PTPRK: variants seen among roughly 807,000 people sequenced by gnomAD.
PTPRK encodes receptor-type tyrosine-protein phosphatase kappa.
In PTPRK, 75 loss-of-function variants were observed where a neutral mutation model predicts 178.0. The ratio of observed to expected loss-of-function variants is 0.42; its 90% CI spans 0.35 to 0.51. PTPRK has a LOEUF of 0.51. PTPRK is among the 20% of genes least tolerant of loss of function. PTPRK has a pLI of 0.02. For missense variants in PTPRK, 1,441 were observed against 1,797.8 expected (o/e 0.80, Z 3.59); for synonymous variants, 637 against 620.6 (o/e 1.03, Z -0.39).
intron 1 of PTPRK, among the ~76,000 whole-genome samples, chr6:128,473,511 C>A (rs759946679): frequency 7.1e-6 from 1 of 141,664 alleles, no homozygotes; most frequent in Non-Finnish European, 1.5e-5. Flanking sequence ...TCTATTAATT[C>A]CAATTTAGTA....
chr6:128,327,358 A>G (rs546094904), intron 2 of PTPRK, among the ~76,000 whole-genome samples: 1 of 152,276 alleles, frequency 6.6e-6, no homozygotes, highest in South Asian at 2.1e-4. Flanking sequence ...CTTATTTAAA[A>G]TCTGTTGAAT....
intron 1 of PTPRK, among the ~76,000 whole-genome samples, chr6:128,508,118 T>C (rs886710539): frequency 6.6e-6 from 1 of 152,102 alleles, no homozygotes; most frequent in African/African-American, 2.4e-5. Context: ...GTATGGTCAG[T>C]TATAAAATAT....
chr6:128,079,721 A>C (rs919354142), intron 10 of PTPRK, among the ~76,000 whole-genome samples: 5 of 152,064 alleles, frequency 3.3e-5, no homozygotes, highest in South Asian at 2.1e-4. Context: ...AATGCTATGA[A>C]TATAAAGACA....
chr6:128,083,486 CAA>C (rs549345211), intron 9 of PTPRK, among the ~76,000 whole-genome samples: 1 of 151,890 alleles, frequency 6.6e-6, no homozygotes, highest in African/African-American at 2.4e-5. Context: ...AAAACAGCAA[CAA>C]AAAACATGCA....
chr6:128,158,736 A>T (rs1240715721), intron 7 of PTPRK, among the ~76,000 whole-genome samples: 1 of 151,930 alleles, frequency 6.6e-6, no homozygotes, highest in Admixed American at 6.6e-5. Context: ...CCGTTAAGTC[A>T]CTCAAACCAT....
At chr6:128,276,705 T>C (rs1310282441) in intron 3 of PTPRK, among the ~76,000 whole-genome samples, 1 of 151,820 alleles carries the variant, frequency 6.6e-6, no homozygotes, top group African/African-American at 2.4e-5. Flanking sequence ...GATTTGGGGA[T>C]AGATTTTTAG....
At chr6:128,354,346 T>C (rs556069619) in intron 2 of PTPRK, among the ~76,000 whole-genome samples, 33 of 137,546 alleles carry the variant, frequency 2.4e-4, no homozygotes, top group Admixed American at 5.0e-4. Flanking sequence ...CACACCATTC[T>C]CCTGCCTCAG....
intron 13 of PTPRK, among the ~76,000 whole-genome samples, chr6:128,022,216 G>A (rs1773621311): frequency 6.6e-6 from 1 of 152,190 alleles, no homozygotes; most frequent in South Asian, 2.1e-4. Context: ...TTAAGTGCCT[G>A]TTAGTGGCAC....
At chr6:128,411,088 C>A (rs1330296394) in intron 1 of PTPRK, among the ~76,000 whole-genome samples, 1 of 152,054 alleles carries the variant, frequency 6.6e-6, no homozygotes, top group Non-Finnish European at 1.5e-5. Context: ...AGACAGGGTG[C>A]TGCCATGCTG....
intron 1 of PTPRK, among the ~76,000 whole-genome samples, chr6:128,404,965 G>C (rs146056225): frequency 6.6e-6 from 1 of 152,158 alleles, no homozygotes; most frequent in Non-Finnish European, 1.5e-5. Flanking sequence ...GCCTCCAATG[G>C]GCACAACCTC....
At chr6:128,127,295 A>C (rs1793542982) in intron 7 of PTPRK, among the ~76,000 whole-genome samples, 1 of 152,094 alleles carries the variant, frequency 6.6e-6, no homozygotes, top group South Asian at 2.1e-4. Context: ...TTTCTACATA[A>C]ACTTTAGAAT....
intron 3 of PTPRK, among the ~76,000 whole-genome samples, chr6:128,300,114 T>C (rs1034379040): frequency 6.6e-6 from 1 of 151,956 alleles, no homozygotes; most frequent in African/African-American, 2.4e-5. Context: ...CAAAAACACG[T>C]GAAAAAATGC....
chr6:128,180,117 C>A (rs1801683409), intron 7 of PTPRK, among the ~76,000 whole-genome samples: 1 of 151,964 alleles, frequency 6.6e-6, no homozygotes, highest in South Asian at 2.1e-4. Flanking sequence ...TAAAGCAGTT[C>A]CACAATGGGT....
chr6:128,080,353 G>C (rs1023485894), intron 10 of PTPRK, among the ~76,000 whole-genome samples: 3 of 151,956 alleles, frequency 2.0e-5, no homozygotes, highest in African/African-American at 7.2e-5. Context: ...CTGATTATAA[G>C]ATACAAGATT....
At chr6:128,181,594 A>G (rs904799199) in intron 7 of PTPRK, among the ~76,000 whole-genome samples, 2 of 152,100 alleles carry the variant, frequency 1.3e-5, no homozygotes, top group African/African-American at 4.8e-5. Flanking sequence ...TTGGAGTCTC[A>G]AAGGTATTTC....
At chr6:128,093,902 C>T (rs1227287883) in intron 7 of PTPRK, among the ~76,000 whole-genome samples, 2 of 151,834 alleles carry the variant, frequency 1.3e-5, no homozygotes, top group Non-Finnish European at 2.9e-5. Context: ...AATATATTTA[C>T]AAGTGGTATA....
intron 1 of PTPRK, among the ~76,000 whole-genome samples, chr6:128,410,108 G>A (rs531917019): frequency 4.1e-4 from 62 of 152,284 alleles, no homozygotes; most frequent in African/African-American, 1.4e-3. Flanking sequence ...GAAGGTACAT[G>A]GAGGAAGTCA....
At chr6:128,352,116 TGG>T (rs1333272351) in intron 2 of PTPRK, among the ~76,000 whole-genome samples, 52 of 151,716 alleles carry the variant, frequency 3.4e-4, no homozygotes, top group African/African-American at 1.2e-3. Context: ...TAGCCGGGCA[TGG>T]TGGCGCACAC....
At position 128,212,085 on chromosome 6, in the gene PTPRK, CTA is replaced by C. The variant is rs898386068; in HGVS notation, c.868+6835_868+6836del. ...TCATTGCAGTTAGAAAATAGGTAGA[CTA>C]TTTTTTATTTGTTAGGAAACATTTT... On this transcript the variant is annotated intron_variant, in intron 6 of 29. Coordinates refer to ENST00000368226, the MANE Select transcript of PTPRK (RefSeq NM_002844.4). 2.3e-4 allele frequency among the ~76,000 whole-genome samples: 35 copies of C among 152,024 alleles called. 1 individual carries two copies. The South Asian group carries it at 3.9e-3, about 17-fold the overall frequency.
Sources: gnomAD v4.1 joint callset for allele counts (sites outside exome capture counted in the v4.1 genomes callset) on GRCh38, gnomAD v4.1.1 for gene constraint, MANE v1.5 for transcripts, NCBI Gene and HGNC (gene_info 2026-07-23, HGNC 2026-07-21) for gene names.